The following IDE variants were observed in gnomAD, a reference collection of about 807,000 sequenced individuals.
IDE encodes the protein insulin degrading enzyme.
In IDE, 58 loss-of-function variants were observed where a neutral mutation model predicts 133.2. The observed-to-expected ratio is 0.44, with a 90% confidence interval of 0.35 to 0.54. The LOEUF is 0.54. IDE is among the 20% of genes least tolerant of loss of function. The pLI, the probability that IDE is intolerant of heterozygous loss-of-function variation, is 0.00. For synonymous variants in IDE, 396 were observed against 421.3 expected (o/e 0.94, Z 0.73); for missense variants, 981 against 1,234.0 (o/e 0.79, Z 3.07).
At chr10:92,570,942 G>A (rs1258000180) in intron 1 of IDE, among the ~76,000 whole-genome samples, 1 of 151,132 alleles carries the variant, frequency 6.6e-6, no homozygotes. Context: ...AAAACATACT[G>A]AACTTTTTCT....
chr10:92,537,406 G>A lies in IDE; in HGVS notation c.243C>T (p.Pro81=), dbSNP rs1224154175. 1.9e-6 allele frequency: 3 copies of A among 1,612,806 alleles called. No homozygotes were observed. The highest frequency in any genetic ancestry group is 3.3e-5 in the Admixed American group (2 of 59,736). Reference sequence around the variant, plus strand: ...GTGCTGCTGATGACTTATCCGTGGTGGGATCACTGATAAGAAGTACTTTGA... The same window carrying A: ...GTGCTGCTGATGACTTATCCGTGGTAGGATCACTGATAAGAAGTACTTTGA... ...NGIKVLLISD[P]TTDKSSAALD... The change falls in exon 2 of 25, where the codon CCC becomes CCT. Residue 81 remains proline (P), a synonymous_variant. Transcript: ENST00000265986.
chr10:92,547,012 A>C (rs1364069700), intron 1 of IDE, among the ~76,000 whole-genome samples: 1 of 152,212 alleles, frequency 6.6e-6, no homozygotes, highest in Non-Finnish European at 1.5e-5. Context: ...ACATATGGGC[A>C]ACCTCCCACA....
intron 8 of IDE, 113 bp from the exon 9 acceptor site, chr10:92,507,779 C>T: frequency 1.4e-6 from 1 of 698,464 alleles, no homozygotes; most frequent in Non-Finnish European, 2.6e-6. Flanking sequence ...TTAGAAAATG[C>T]AGTCCTCACC....
intron 4 of IDE, among the ~76,000 whole-genome samples, chr10:92,527,455 G>C (rs1849688262): frequency 1.3e-5 from 2 of 151,888 alleles, no homozygotes; most frequent in Non-Finnish European, 2.9e-5. Flanking sequence ...TTTATAATGA[G>C]ATTATACAAT....
At chr10:92,510,903 G>T (rs1035144984) in intron 5 of IDE, among the ~76,000 whole-genome samples, 1 of 149,716 alleles carries the variant, frequency 6.7e-6, no homozygotes, top group Non-Finnish European at 1.5e-5. Context: ...TCATATATAT[G>T]ATATTAGCAA....
chr10:92,460,540 C>T (rs1034988121), intron 22 of IDE, among the ~76,000 whole-genome samples: 1 of 151,990 alleles, frequency 6.6e-6, no homozygotes, highest in Non-Finnish European at 1.5e-5. Context: ...TTCCTTGGGC[C>T]ACACTGGAAG....
At chr10:92,559,850 G>A (rs553821304) in intron 1 of IDE, among the ~76,000 whole-genome samples, 42 of 149,262 alleles carry the variant, frequency 2.8e-4, no homozygotes, top group Admixed American at 4.8e-4. Flanking sequence ...CAATCCTCCC[G>A]CCTCAGCCTC....
At chr10:92,572,961 G>GT in intron 1 of IDE, 1 of 985,270 alleles carries the variant, frequency 1.0e-6, no homozygotes, top group South Asian at 4.7e-5. Context: ...CTCCAATCAA[G>GT]TCAAAGTTCC....
chr10:92,513,669 T>C (rs1156795249), intron 5 of IDE, among the ~76,000 whole-genome samples: 1 of 149,790 alleles, frequency 6.7e-6, no homozygotes, highest in Non-Finnish European at 1.5e-5. Context: ...TAATTAAAAA[T>C]GTTTAGTTAT....
chr10:92,521,718 C>A (rs192352704), intron 4 of IDE, among the ~76,000 whole-genome samples: 1 of 151,752 alleles, frequency 6.6e-6, no homozygotes, highest in African/African-American at 2.4e-5. Flanking sequence ...TAATGAAAGA[C>A]ATATCAAACA....
Position 92,461,220 on chromosome 10 carries a change from TA to T in IDE, c.2793del (p.Thr932ProfsTer15). 1 of 1,456,524 alleles carries T rather than the reference TA, an allele frequency of 6.9e-7. No homozygotes were observed. Among genetic ancestry groups the T allele is most frequent in the South Asian group, 1.1e-5 (1 of 87,446 alleles). The allele number at this position is 1,456,524 out of a possible 1,614,324, so 90.2% of individuals were successfully genotyped here. A position where few individuals can be genotyped will look rare whatever the true frequency, so the allele number is the denominator to read the frequency against. On this transcript the variant is annotated frameshift_variant, in exon 22 of 25. Transcript: ENST00000265986. LOFTEE classifies it high-confidence loss of function. ...DNTEVAYLKT[L>X]TKEDIIKFYK... is the part of the protein sequence containing the mutation. ...TAGAATTTGATGATATCTTCCTTGG[TA>T]AGTGTCTTTAAATATGCAACCTCAG... is the stretch of plus-strand genomic sequence containing the variant.
intron 11 of IDE, among the ~76,000 whole-genome samples, chr10:92,497,450 C>T (rs1461633900): frequency 9.9e-5 from 15 of 152,206 alleles, no homozygotes; most frequent in Non-Finnish European, 2.1e-4. Flanking sequence ...CAGTACCATA[C>T]TACACCATTT....
chr10:92,531,573 T>C (rs1849927074), intron 4 of IDE, among the ~76,000 whole-genome samples, 175 bp downstream of exon 4: 2 of 152,320 alleles, frequency 1.3e-5, no homozygotes, highest in Non-Finnish European at 1.5e-5. Flanking sequence ...AGGATGTAAG[T>C]AGAAATGTGG....
chr10:92,457,771 AG>A (rs1845108395), intron 22 of IDE, among the ~76,000 whole-genome samples: 1 of 152,156 alleles, frequency 6.6e-6, no homozygotes, highest in Non-Finnish European at 1.5e-5. Flanking sequence ...GTTACTAATA[AG>A]CCTGGTCCTA....
intron 11 of IDE, among the ~76,000 whole-genome samples, chr10:92,504,542 A>G (rs1272326527): frequency 2.0e-5 from 3 of 152,158 alleles, no homozygotes; most frequent in Non-Finnish European, 4.4e-5. Context: ...AAATGTCCTC[A>G]TCTTTTAGAG....
At chr10:92,506,547 A>T in intron 9 of IDE, 25 bp from the exon 10 acceptor site, 1 of 1,168,234 alleles carries the variant, frequency 8.6e-7, no homozygotes, top group Non-Finnish European at 1.3e-6. Context: ...TAATCCAATT[A>T]GATACGGCCA....
At chr10:92,459,824 CTT>C (rs901315055) in intron 22 of IDE, among the ~76,000 whole-genome samples, 37 of 92,784 alleles carry the variant, frequency 4.0e-4, no homozygotes, top group African/African-American at 1.1e-3. Context: ...GTGTGAACCT[CTT>C]TTTTTTTTTT....
At chr10:92,512,940 C>T (rs1848705370) in intron 5 of IDE, among the ~76,000 whole-genome samples, 2 of 149,832 alleles carry the variant, frequency 1.3e-5, no homozygotes, top group Non-Finnish European at 3.0e-5. Context: ...TCAATTAAAC[C>T]TCACAACAGG....
intron 23 of IDE, 69 bp from the exon 24 acceptor site, chr10:92,455,712 ACT>A: frequency 3.4e-6 from 3 of 875,526 alleles, no homozygotes; most frequent in Non-Finnish European, 5.6e-6. Flanking sequence ...AAAAAAAAAA[ACT>A]AAACCAGACT....
Sources: allele counts gnomAD v4.1 joint callset (sites outside exome capture counted in the v4.1 genomes callset), GRCh38; gene constraint gnomAD v4.1.1; transcripts MANE v1.5; gene names NCBI Gene and HGNC (gene_info 2026-07-23, HGNC 2026-07-21).